The following OR10A2 variants were observed in gnomAD, a reference collection of about 807,000 sequenced individuals.
OR10A2 encodes olfactory receptor 10A2.
In OR10A2, 15 loss-of-function variants were observed where a neutral mutation model predicts 13.7. The ratio of observed to expected loss-of-function variants is 1.10; its 90% CI spans 0.73 to 1.69. The LOEUF (loss-of-function observed/expected upper bound fraction) is 1.69. Among genes scored for constraint, OR10A2 ranks in the 40% most tolerant of loss-of-function variants. OR10A2 has a pLI of 0.00. For synonymous variants in OR10A2, 145 were observed against 144.7 expected (o/e 1.00, Z -0.02); for missense variants, 343 against 361.1 (o/e 0.95, Z 0.41).
Position 6,869,697 on chromosome 11 carries a change from A to G in OR10A2, c.-58A>G, listed in dbSNP as rs537218942. ...TCTTTCTCCATGACCACAGTTGGGG[A>G]CTTCTGCCCACACTTATAGCTACAG... On this transcript the variant is annotated 5_prime_UTR_variant, in exon 2 of 2. Coordinates refer to ENST00000641461, the MANE Select transcript of OR10A2 (RefSeq NM_001004460.2). 1 of 1,376,060 alleles carries G rather than the reference A, an allele frequency of 7.3e-7. No homozygotes were observed. Among genetic ancestry groups the G allele is most frequent in the East Asian group, 2.3e-5 (1 of 43,644 alleles). The allele number at this position is 1,376,060 out of a possible 1,614,324, so 85.2% of individuals were successfully genotyped here. A position where few individuals can be genotyped will look rare whatever the true frequency, so the allele number is the denominator to read the frequency against.
Position 6,863,351 on chromosome 11 carries a change from G to A in OR10A2, c.-133G>A. ...AAGGCAGATGTTCCTGTTGGACACAGGTAAGCCTTTTTTTTTTTTTTTTTT... is the reference window on the plus strand; with the variant it reads ...AAGGCAGATGTTCCTGTTGGACACAAGTAAGCCTTTTTTTTTTTTTTTTTT... On this transcript the variant is annotated splice_region_variant and 5_prime_UTR_variant, in exon 1 of 2. Coordinates refer to ENST00000641461, the MANE Select transcript of OR10A2 (RefSeq NM_001004460.2). 7.0e-6 allele frequency: 1 copy of A among 142,960 alleles called. No homozygotes were observed. Among genetic ancestry groups the A allele is most frequent in the African/African-American group, 2.6e-5 (1 of 38,676 alleles). 8.9% of individuals were successfully genotyped at this position (142,960 alleles called of 1,614,324 possible).
chr11:6,867,449 T>C (rs1439138307), intron 1 of OR10A2, among the ~76,000 whole-genome samples: 5 of 152,134 alleles, frequency 3.3e-5, no homozygotes, highest in African/African-American at 1.2e-4. Context: ...TGGCCTCAAG[T>C]GATCCTCCTG....
rs1385934584 is a variant in OR10A2 at position 6,874,165 on chromosome 11, T to A, written c.*3499T>A. 2 of 152,224 alleles carry A rather than the reference T, an allele frequency of 1.3e-5. No homozygotes were observed. The highest frequency in any genetic ancestry group is 2.9e-5 in the Non-Finnish European group (2 of 68,042). 9.4% of individuals were successfully genotyped at this position (152,224 alleles called of 1,614,324 possible). A position where few individuals can be genotyped will look rare whatever the true frequency, so the allele number is the denominator to read the frequency against. On this transcript the variant is annotated 3_prime_UTR_variant, in exon 2 of 2. Transcript: ENST00000641461. ...TTTGTGCCTTTGTCTAAATTCCTTATGAATGGGGCTCACTGTACCTACTTT... is the reference window on the plus strand; with the variant it reads ...TTTGTGCCTTTGTCTAAATTCCTTAAGAATGGGGCTCACTGTACCTACTTT...
In OR10A2 at chr11:6,870,524, G is replaced by A. The variant is rs769470789; in HGVS notation, c.770G>A (p.Gly257Asp). ...FRPKSNNSPE[G>D]KKLLSLSYTV... is the part of the protein sequence containing the mutation. ...CCTAAATCAAATAATTCACCTGAGGGCAAGAAGCTGCTATCATTGTCCTAC... is the reference window on the plus strand; with the variant it reads ...CCTAAATCAAATAATTCACCTGAGGACAAGAAGCTGCTATCATTGTCCTAC... The change falls in exon 2 of 2, where the codon GGC becomes GAC. Residue 257 changes from glycine to aspartate, a missense_variant. Gly to Asp is a moderately conservative substitution (Grantham distance 94). Coordinates refer to ENST00000641461, the MANE Select transcript of OR10A2 (RefSeq NM_001004460.2). The A allele has an allele frequency of 6.2e-6, 10 of 1,613,934 alleles. No individual in the cohort carries two copies. Among genetic ancestry groups the A allele is most frequent in the Non-Finnish European group, 7.6e-6 (9 of 1,179,956 alleles).
rs991785327 is a variant in OR10A2, at chr11:6,873,224, T to C, written c.*2558T>C. 4 of 152,202 alleles carry C rather than the reference T, an allele frequency of 2.6e-5. No homozygotes were observed. Among genetic ancestry groups the C allele is most frequent in the Non-Finnish European group, 5.9e-5 (4 of 68,038 alleles). The allele number at this position is 152,202 out of a possible 1,614,324, so 9.4% of individuals were successfully genotyped here. On this transcript the variant is annotated 3_prime_UTR_variant, in exon 2 of 2. Transcript: ENST00000641461. The stretch of plus-strand genomic sequence containing the variant: ...GCTAGGGTTAGGGCTAGACTCAAAA[T>C]ACATGCAACTTTAAAGACAAGGCAT...
In OR10A2 at chr11:6,870,726, T is replaced by C. The variant is rs1002002334; in HGVS notation, c.*60T>C. On this transcript the variant is annotated 3_prime_UTR_variant, in exon 2 of 2. Transcript: ENST00000641461. ...GAAACAATCAGTCCCAGATTTGAGA[T>C]TCCTCTCTGCATCTTTCCACATCTC... 3 of 1,302,502 alleles carry C rather than the reference T, an allele frequency of 2.3e-6. No individual in the cohort carries two copies. Among genetic ancestry groups the C allele is most frequent in the Non-Finnish European group, 2.1e-6 (2 of 941,204 alleles). 80.7% of individuals were successfully genotyped at this position (1,302,502 alleles called of 1,614,324 possible).
Position 6,870,947 on chromosome 11 carries a change from CT to C in OR10A2, c.*298del, listed in dbSNP as rs35120311. 652 of 138,306 alleles carry C rather than the reference CT, an allele frequency of 4.7e-3. No individual in the cohort carries two copies. The highest frequency in any genetic ancestry group is 0.015 in the Middle Eastern group (4 of 264). 8.6% of individuals were successfully genotyped at this position (138,306 alleles called of 1,614,324 possible). A position where few individuals can be genotyped will look rare whatever the true frequency, so the allele number is the denominator to read the frequency against. On this transcript the variant is annotated 3_prime_UTR_variant, in exon 2 of 2. Coordinates refer to ENST00000641461, the MANE Select transcript of OR10A2 (RefSeq NM_001004460.2). ...CCAACTATTTCCAGGTGTTATATTT[CT>C]TTTTTTTTTTTTTTTTGAGACGGAG...
rs1848451285 is a variant in OR10A2 at position 6,872,958 on chromosome 11, T to A, written c.*2292T>A. ...CCTCAGCCTCTTGAGTAGCTGGGAT[T>A]ACAGGCGTGCCAAGCCATGCCCAAC... On this transcript the variant is annotated 3_prime_UTR_variant, in exon 2 of 2. Coordinates refer to ENST00000641461, the MANE Select transcript of OR10A2 (RefSeq NM_001004460.2). The A allele has an allele frequency of 2.0e-5, 3 of 151,152 alleles. No homozygotes were observed. The highest frequency in any genetic ancestry group is 6.6e-5 in the Admixed American group (1 of 15,100). The allele number at this position is 151,152 out of a possible 1,614,324, so 9.4% of individuals were successfully genotyped here.
At chr11:6,869,517 C>A (rs577670405) in intron 1 of OR10A2, 106 bp from the exon 2 acceptor site, 1 of 541,820 alleles carries the variant, frequency 1.8e-6, no homozygotes, top group South Asian at 2.4e-5. Flanking sequence ...TGATTCAGGC[C>A]CATCTCAGAG....
At position 6,873,468 on chromosome 11, in the gene OR10A2, A is replaced by C. The variant is rs1848456069; in HGVS notation, c.*2802A>C. 6.6e-6 allele frequency: 1 copy of C among 152,258 alleles called. No individual in the cohort carries two copies. Among genetic ancestry groups the C allele is most frequent in the Admixed American group, 6.5e-5 (1 of 15,286 alleles). 9.4% of individuals were successfully genotyped at this position (152,258 alleles called of 1,614,324 possible). A position where few individuals can be genotyped will look rare whatever the true frequency, so the allele number is the denominator to read the frequency against. The stretch of plus-strand genomic sequence containing the variant: ...AGTATGGGTAAAGAATTTGAAGTAA[A>C]GCAAACAAGAATAACCCAAAACCTA... On this transcript the variant is annotated 3_prime_UTR_variant, in exon 2 of 2. Coordinates refer to ENST00000641461, the MANE Select transcript of OR10A2 (RefSeq NM_001004460.2).
chr11:6,863,968 C>A (rs1285385783), intron 1 of OR10A2, among the ~76,000 whole-genome samples: 1 of 152,096 alleles, frequency 6.6e-6, no homozygotes, highest in Non-Finnish European at 1.5e-5. Flanking sequence ...AGATTTTTTT[C>A]CTTTCTTTTT....
chr11:6,866,796 TA>T (rs1221493340), intron 1 of OR10A2, among the ~76,000 whole-genome samples: 1 of 152,156 alleles, frequency 6.6e-6, no homozygotes, highest in African/African-American at 2.4e-5. Context: ...TTCAGTAAAA[TA>T]AAAACATGTT....
At position 6,870,032 on chromosome 11, in the gene OR10A2, T is replaced by C. The variant is rs1217069382; in HGVS notation, c.278T>C (p.Phe93Ser). The change falls in exon 2 of 2, where the codon TTC becomes TCC. Residue 93 changes from phenylalanine (F) to serine (S), a missense_variant. Phe to Ser is a radical substitution (Grantham distance 155, BLOSUM62 -2). Transcript: ENST00000641461. ...GCATQMYFFFFFGVAECFLLA... is the reference protein window; with the variant it reads ...GCATQMYFFFSFGVAECFLLA... ...GCCACTCAGATGTATTTCTTCTTCT[T>C]CTTTGGAGTGGCTGAATGCTTCCTC... is the stretch of plus-strand genomic sequence containing the variant. The C allele has an allele frequency of 6.2e-7, 1 of 1,614,226 alleles. No individual in the cohort carries two copies. Among genetic ancestry groups the C allele is most frequent in the Non-Finnish European group, 8.5e-7 (1 of 1,180,040 alleles).
At chr11:6,867,213 T>G (rs1848385864) in intron 1 of OR10A2, among the ~76,000 whole-genome samples, 1 of 151,380 alleles carries the variant, frequency 6.6e-6, no homozygotes, top group South Asian at 2.1e-4. Context: ...ATATTCTATA[T>G]TATTATTATT....
rs1848439358 is a variant in OR10A2, at chr11:6,872,016, T to C, written c.*1350T>C. 1 of 152,216 alleles carries C rather than the reference T, an allele frequency of 6.6e-6. No individual in the cohort carries two copies. The highest frequency in any genetic ancestry group is 2.1e-4 in the South Asian group (1 of 4,834). The allele number at this position is 152,216 out of a possible 1,614,324, so 9.4% of individuals were successfully genotyped here. A position where few individuals can be genotyped will look rare whatever the true frequency, so the allele number is the denominator to read the frequency against. On this transcript the variant is annotated 3_prime_UTR_variant, in exon 2 of 2. Coordinates refer to ENST00000641461, the MANE Select transcript of OR10A2 (RefSeq NM_001004460.2). ...CCACCAGCAATTTATGAGGTGTTTG[T>C]TTCCCCACAACTCAACAATAACATT...
chr11:6,865,100 A>AT, intron 1 of OR10A2, among the ~76,000 whole-genome samples: 1 of 110,766 alleles, frequency 9.0e-6, no homozygotes, highest in African/African-American at 2.9e-5. Flanking sequence ...TATGAATAAA[A>AT]ATATATATTT....
rs1002002334 is a variant in OR10A2, at chr11:6,870,726, T to A, written c.*60T>A. On this transcript the variant is annotated 3_prime_UTR_variant, in exon 2 of 2. Coordinates refer to ENST00000641461, the MANE Select transcript of OR10A2 (RefSeq NM_001004460.2). ...GAAACAATCAGTCCCAGATTTGAGA[T>A]TCCTCTCTGCATCTTTCCACATCTC... The A allele has an allele frequency of 1.8e-5, 23 of 1,302,384 alleles. No individual in the cohort carries two copies. In the South Asian group the frequency reaches 3.1e-4, roughly 17 times the overall value. The allele number at this position is 1,302,384 out of a possible 1,614,324, so 80.7% of individuals were successfully genotyped here.
rs1848466943 is a variant in OR10A2, at chr11:6,874,557, C to T, written c.*3891C>T. The T allele has an allele frequency of 6.6e-6, 1 of 152,164 alleles. No homozygotes were observed. The highest frequency in any genetic ancestry group is 1.5e-5 in the Non-Finnish European group (1 of 68,038). 9.4% of individuals were successfully genotyped at this position (152,164 alleles called of 1,614,324 possible). ...ATTCTGAAAAAATGAGTGCAAGTGT[C>T]ACTTGTCGGCCAAATCCCTGACTTG... On this transcript the variant is annotated 3_prime_UTR_variant, in exon 2 of 2. Coordinates refer to ENST00000641461, the MANE Select transcript of OR10A2 (RefSeq NM_001004460.2).
At position 6,869,705 on chromosome 11, in the gene OR10A2, C is replaced by A. The variant is rs754347272; in HGVS notation, c.-50C>A. 786 of 1,483,468 alleles carry A rather than the reference C, an allele frequency of 5.3e-4. No individual in the cohort carries two copies. The highest frequency in any genetic ancestry group is 6.9e-4 in the Non-Finnish European group (738 of 1,069,522). The allele number at this position is 1,483,468 out of a possible 1,614,324, so 91.9% of individuals were successfully genotyped here. A position where few individuals can be genotyped will look rare whatever the true frequency, so the allele number is the denominator to read the frequency against. ...CATGACCACAGTTGGGGACTTCTGC[C>A]CACACTTATAGCTACAGGAAACTGG... On this transcript the variant is annotated 5_prime_UTR_variant, in exon 2 of 2. Coordinates refer to ENST00000641461, the MANE Select transcript of OR10A2 (RefSeq NM_001004460.2).
Sources: gnomAD v4.1 joint callset for allele counts (sites outside exome capture counted in the v4.1 genomes callset) on GRCh38, gnomAD v4.1.1 for gene constraint, MANE v1.5 for transcripts, NCBI Gene and HGNC (gene_info 2026-07-23, HGNC 2026-07-21) for gene names.